The following RGS5 variants were observed in gnomAD, a reference collection of about 807,000 sequenced individuals.
RGS5 encodes regulator of G protein signaling 5.
RGS5 carries 20 observed loss-of-function variants against 18.9 expected under a neutral mutation model. That is an observed-to-expected ratio of 1.06 (90% CI 0.74 to 1.54). The LOEUF (loss-of-function observed/expected upper bound fraction) is 1.54, where lower values mean the gene tolerates loss of function less well. Among genes scored for constraint, RGS5 ranks in the 40% most tolerant of loss-of-function variants. The pLI, the probability that RGS5 is intolerant of heterozygous loss-of-function variation, is 0.00. For synonymous variants in RGS5, 57 were observed against 76.2 expected, an observed-to-expected ratio of 0.75 and a Z score of 1.31; for missense variants, 201 against 211.8, an observed-to-expected ratio of 0.95 and a Z score of 0.32.
At chr1:163,229,178 A>G (rs1647407064) in intron 2 of RGS5, among the ~76,000 whole-genome samples, 1 of 152,186 alleles carries the variant, frequency 6.6e-6, no homozygotes, top group Non-Finnish European at 1.5e-5. Context: ...TGCGTAATAT[A>G]TAAAGGAAAG....
intron 1 of RGS5, chr1:163,319,354 AC>A (rs1273383805): frequency 1.3e-5 from 2 of 152,248 alleles, no homozygotes; most frequent in Admixed American, 6.5e-5. Flanking sequence ...GCAGATGCAT[AC>A]GAATGTGTTA....
At chr1:163,295,180 G>C (rs1649391617) in intron 2 of RGS5, among the ~76,000 whole-genome samples, 1 of 152,000 alleles carries the variant, frequency 6.6e-6, no homozygotes, top group Admixed American at 6.6e-5. Flanking sequence ...ACATTCTCAG[G>C]TATCTTTATA....
intron 2 of RGS5, among the ~76,000 whole-genome samples, chr1:163,270,352 G>GAA (rs59181379): frequency 0.039 from 3,645 of 94,608 alleles, 116 homozygotes; most frequent in South Asian, 0.077. Context: ...TCTCTATTGA[G>GAA]AAAAAAAAAA....
intron 1 of RGS5, among the ~76,000 whole-genome samples, chr1:163,174,847 A>C (rs1317282590): frequency 6.6e-6 from 1 of 152,230 alleles, no homozygotes; most frequent in Non-Finnish European, 1.5e-5. Context: ...GACATATGTC[A>C]GGAACAGCGA....
intron 2 of RGS5, among the ~76,000 whole-genome samples, chr1:163,226,899 T>G (rs1647349113): frequency 6.6e-6 from 1 of 152,214 alleles, no homozygotes; most frequent in African/African-American, 2.4e-5. Context: ...CACTTCAGTT[T>G]TTAAGGATTA....
chr1:163,316,965 C>A (rs1557941185), intron 1 of RGS5, among the ~76,000 whole-genome samples: 2 of 152,146 alleles, frequency 1.3e-5, no homozygotes, highest in South Asian at 4.1e-4. Context: ...TCATTAAGAA[C>A]CAGCCCTGTA....
In RGS5 at chr1:163,144,822, T is replaced by G. The variant is rs1657067896; in HGVS notation, c.*2520A>C. On this transcript the variant is annotated 3_prime_UTR_variant, in exon 5 of 5. Transcript: ENST00000313961. ...AGTTTCCAAAAACTTTCAGAAGTGT[T>G]CAAAGAAATTTTCTTGAACAATTTT... 2 of 152,744 alleles carry G rather than the reference T, an allele frequency of 1.3e-5. No individual in the cohort carries two copies. The highest frequency in any genetic ancestry group is 2.1e-4 in the South Asian group (1 of 4,830). The allele number at this position is 152,744 out of a possible 1,614,324, so 9.5% of individuals were successfully genotyped here.
intron 2 of RGS5, among the ~76,000 whole-genome samples, chr1:163,281,688 C>T (rs1648995687): frequency 6.6e-6 from 1 of 152,026 alleles, no homozygotes; most frequent in Non-Finnish European, 1.5e-5. Flanking sequence ...ACTATAGTAA[C>T]CAAAAGATCA....
At chr1:163,286,913 T>C (rs552437626) in intron 2 of RGS5, among the ~76,000 whole-genome samples, 1 of 152,306 alleles carries the variant, frequency 6.6e-6, no homozygotes, top group African/African-American at 2.4e-5. Flanking sequence ...CCCTGTGCTG[T>C]TTATAGCTTA....
intron 1 of RGS5, among the ~76,000 whole-genome samples, chr1:163,306,552 G>A (rs1010160055): frequency 3.9e-5 from 6 of 152,168 alleles, no homozygotes; most frequent in African/African-American, 1.4e-4. Context: ...TGTGAGCCAT[G>A]TTTTATGGGT....
intron 1 of RGS5, among the ~76,000 whole-genome samples, chr1:163,312,037 A>G (rs1649880496): frequency 6.6e-6 from 1 of 152,206 alleles, no homozygotes; most frequent in African/African-American, 2.4e-5. Flanking sequence ...CTCAAATCTC[A>G]TCTTGAACTG....
intron 3 of RGS5, among the ~76,000 whole-genome samples, chr1:163,154,214 G>A (rs189199820): frequency 3.9e-5 from 6 of 152,030 alleles, no homozygotes; most frequent in Non-Finnish European, 5.9e-5. Flanking sequence ...TTATTTATTA[G>A]TCATTGCCAA....
intron 2 of RGS5, among the ~76,000 whole-genome samples, chr1:163,288,379 T>C (rs1649197304): frequency 6.6e-6 from 1 of 152,202 alleles, no homozygotes; most frequent in Admixed American, 6.6e-5. Context: ...GTCAGTCATC[T>C]GTTGTTCCAC....
intron 1 of RGS5, among the ~76,000 whole-genome samples, chr1:163,310,632 T>C (rs188244212): frequency 6.6e-6 from 1 of 152,180 alleles, no homozygotes; most frequent in African/African-American, 2.4e-5. Context: ...GAAGGTGTTT[T>C]GTCTACATTG....
chr1:163,147,918 CT>C (rs534448527), intron 4 of RGS5, among the ~76,000 whole-genome samples: 71 of 78,094 alleles, frequency 9.1e-4, no homozygotes, highest in African/African-American at 2.3e-3. Flanking sequence ...TTTTCTTTTT[CT>C]TTTTTTTTTT....
At chr1:163,285,584 T>TATAAAA (rs1158845956) in intron 2 of RGS5, among the ~76,000 whole-genome samples, 4 of 151,778 alleles carry the variant, frequency 2.6e-5, no homozygotes, top group Non-Finnish European at 5.9e-5. Context: ...CAAATATATA[T>TATAAAA]ATAAAAATAT....
intron 2 of RGS5, among the ~76,000 whole-genome samples, chr1:163,225,072 C>T (rs1489971702): frequency 6.6e-6 from 1 of 152,118 alleles, no homozygotes; most frequent in Non-Finnish European, 1.5e-5. Flanking sequence ...GTTGCCTATG[C>T]TTTTGAGGTC....
At chr1:163,280,884 G>C (rs534402363) in intron 2 of RGS5, among the ~76,000 whole-genome samples, 8 of 152,252 alleles carry the variant, frequency 5.3e-5, no homozygotes, top group African/African-American at 1.9e-4. Flanking sequence ...ACAAAACTGT[G>C]TTAGTACATT....
intron 2 of RGS5, among the ~76,000 whole-genome samples, chr1:163,263,748 T>A (rs1162855207): frequency 6.6e-6 from 1 of 152,028 alleles, no homozygotes; most frequent in Non-Finnish European, 1.5e-5. Context: ...GAATATTTTG[T>A]TTAAATTATT....
Sources: allele counts gnomAD v4.1 joint callset (sites outside exome capture counted in the v4.1 genomes callset), GRCh38; gene constraint gnomAD v4.1.1; transcripts MANE v1.5; gene names NCBI Gene and HGNC (gene_info 2026-07-23, HGNC 2026-07-21).